The following STAMBPL1 variants were observed in gnomAD, a reference collection of about 807,000 sequenced individuals.
STAMBPL1 encodes the protein AMSH-like protease.
STAMBPL1 carries 44 observed loss-of-function variants against 52.9 expected under a neutral mutation model. The observed-to-expected ratio is 0.83, with a 90% confidence interval of 0.65 to 1.07. The LOEUF is 1.07. Ranked by LOEUF, STAMBPL1 falls within the 50% of genes least tolerant of loss-of-function variation. The pLI is 0.00. For synonymous variants in STAMBPL1, 164 were observed against 177.3 expected, an observed-to-expected ratio of 0.92 and a Z score of 0.60; for missense variants, 511 against 520.8, an observed-to-expected ratio of 0.98 and a Z score of 0.18.
At position 88,914,591 on chromosome 10, in the gene STAMBPL1, T is replaced by G. The variant is rs1845320516; in HGVS notation, c.836T>G (p.Phe279Cys). The change falls in exon 7 of 11, where the codon TTT becomes TGT. Residue 279 changes from phenylalanine (F) to cysteine (C), a missense_variant. Transcript: ENST00000371926. Reference protein sequence around the residue: ...VVLPEDLCHKFLQLAESNTVR... With the variant: ...VVLPEDLCHKCLQLAESNTVR... Reference sequence around the variant, plus strand: ...TTGCCAGAAGATCTTTGCCACAAATTTCTGCAACTGGCAGAATCTAATACA... The same window carrying G: ...TTGCCAGAAGATCTTTGCCACAAATGTCTGCAACTGGCAGAATCTAATACA... 6.5e-7 allele frequency: 1 copy of G among 1,540,144 alleles called. No individual in the cohort carries two copies. Among genetic ancestry groups the G allele is most frequent in the Non-Finnish European group, 8.8e-7 (1 of 1,141,014 alleles).
At chr10:88,914,680 A>T (rs772975881) in intron 7 of STAMBPL1, 22 bp downstream of exon 7, 3 of 948,526 alleles carry the variant, frequency 3.2e-6, no homozygotes, top group African/African-American at 1.7e-5. Context: ...TTATATAAAT[A>T]TATATATATA....
At chr10:88,910,308 A>G (rs899838047) in intron 4 of STAMBPL1, among the ~76,000 whole-genome samples, 2 of 152,120 alleles carry the variant, frequency 1.3e-5, no homozygotes, top group African/African-American at 4.8e-5. Flanking sequence ...CAACTCTAAA[A>G]AAGAAGAGGT....
At chr10:88,914,272 T>C (rs76962149) in intron 6 of STAMBPL1, among the ~76,000 whole-genome samples, 1,750 of 152,286 alleles carry the variant, frequency 0.011, 20 homozygotes, top group South Asian at 0.042. Flanking sequence ...ACATAACATG[T>C]AAATAGTTAA....
intron 8 of STAMBPL1, among the ~76,000 whole-genome samples, chr10:88,920,302 C>T (rs1291375336): frequency 7.2e-5 from 11 of 152,154 alleles, no homozygotes; most frequent in Middle Eastern, 3.2e-3. Context: ...TATTTCTATG[C>T]GCTAAGCACT....
At chr10:88,887,924 A>T (rs910919802) in intron 1 of STAMBPL1, among the ~76,000 whole-genome samples, 3 of 152,194 alleles carry the variant, frequency 2.0e-5, no homozygotes, top group African/African-American at 7.2e-5. Flanking sequence ...TCTTATATTC[A>T]AATTCTTTCT....
intron 4 of STAMBPL1, 50 bp downstream of exon 4, chr10:88,908,827 C>G: frequency 7.0e-7 from 1 of 1,427,536 alleles, no homozygotes; most frequent in South Asian, 1.3e-5. Context: ...CCATAAGTAT[C>G]CATTATTGAT....
At chr10:88,915,734 T>G (rs1316675278) in intron 7 of STAMBPL1, among the ~76,000 whole-genome samples, 3 of 152,190 alleles carry the variant, frequency 2.0e-5, no homozygotes, top group Non-Finnish European at 2.9e-5. Context: ...TGGGGCTAAG[T>G]GCTGTCTGTG....
At position 88,905,521 on chromosome 10, in the gene STAMBPL1, G is replaced by T. The variant is rs776082300; in HGVS notation, c.109G>T (p.Gly37Cys). The change falls in exon 3 of 11, where the codon GGT becomes TGT. Residue 37 changes from glycine (G) to cysteine (C), a missense_variant. Physicochemically the swap from Gly to Cys is radical, Grantham distance 159. Coordinates refer to ENST00000371926, the MANE Select transcript of STAMBPL1 (RefSeq NM_020799.4). ...GCGAGTCCGTGCCCTAAGCAAGCTT[G>T]GTTGTAATATCACCATCAGTGAAGA... is the stretch of plus-strand genomic sequence containing the variant. Reference protein sequence around the residue: ...EERVRALSKLGCNITISEDIT... With the variant: ...EERVRALSKLCCNITISEDIT... The T allele has an allele frequency of 1.2e-6, 2 of 1,614,088 alleles. No homozygotes were observed. The highest frequency in any genetic ancestry group is 8.5e-7 in the Non-Finnish European group (1 of 1,180,004).
At chr10:88,907,178 G>A (rs1417556588) in intron 3 of STAMBPL1, among the ~76,000 whole-genome samples, 2 of 152,162 alleles carry the variant, frequency 1.3e-5, no homozygotes, top group Non-Finnish European at 2.9e-5. Flanking sequence ...AGCTTAGTCA[G>A]GGGCTTAGCC....
At chr10:88,887,894 C>T (rs1251702546) in intron 1 of STAMBPL1, among the ~76,000 whole-genome samples, 2 of 152,136 alleles carry the variant, frequency 1.3e-5, no homozygotes, top group African/African-American at 2.4e-5. Context: ...GAGAAGAATC[C>T]GCTTAAGAGC....
intron 2 of STAMBPL1, 33 bp from the exon 3 acceptor site, chr10:88,905,410 C>T: frequency 6.6e-7 from 1 of 1,524,614 alleles, no homozygotes; most frequent in Non-Finnish European, 9.1e-7. Context: ...CTATAATCAA[C>T]AGTTAATCAG....
intron 9 of STAMBPL1, 21 bp downstream of exon 9, chr10:88,921,416 G>A (rs776631346): frequency 6.3e-7 from 1 of 1,592,286 alleles, no homozygotes; most frequent in Non-Finnish European, 8.6e-7. Flanking sequence ...CTCTTCAGGG[G>A]AGACCAAAGA....
intron 1 of STAMBPL1, among the ~76,000 whole-genome samples, chr10:88,893,442 G>A (rs1168170719): frequency 6.6e-6 from 1 of 152,026 alleles, no homozygotes; most frequent in East Asian, 1.9e-4. Context: ...TCATTCTGCC[G>A]ATGAAAAAAG....
chr10:88,912,866 T>C (rs2133196590), intron 5 of STAMBPL1: 1 of 467,548 alleles, frequency 2.1e-6, no homozygotes, highest in South Asian at 3.2e-5. Context: ...GGGATCCTGA[T>C]TGTCATGGCC....
At position 88,908,683 on chromosome 10, in the gene STAMBPL1, C is replaced by A. The variant is rs1564629431; in HGVS notation, c.249-19C>A. 1 of 1,598,884 alleles carries A rather than the reference C, an allele frequency of 6.3e-7. No individual in the cohort carries two copies. The highest frequency in any genetic ancestry group is 2.2e-5 in the East Asian group (1 of 44,540). On this transcript the variant is annotated intron_variant, in intron 3 of 10. Coordinates refer to ENST00000371926, the MANE Select transcript of STAMBPL1 (RefSeq NM_020799.4). ...TTTTGCTGTCACATAATGCTAAGGA[C>A]ATGTTTTCTCTTCCTTAGCTTATTT... is the stretch of plus-strand genomic sequence containing the variant.
At position 88,923,369 on chromosome 10, in the gene STAMBPL1, C is replaced by T; in HGVS notation, c.*145C>T. The T allele has an allele frequency of 2.2e-6, 3 of 1,379,412 alleles. No individual in the cohort carries two copies. Among genetic ancestry groups the T allele is most frequent in the Non-Finnish European group, 2.8e-6 (3 of 1,072,330 alleles). The allele number at this position is 1,379,412 out of a possible 1,614,324, so 85.4% of individuals were successfully genotyped here. A position where few individuals can be genotyped will look rare whatever the true frequency, so the allele number is the denominator to read the frequency against. On this transcript the variant is annotated 3_prime_UTR_variant, in exon 11 of 11. Transcript: ENST00000371926. Reference sequence around the variant, plus strand: ...CAAAGCTTGATATTTATTGCTGTTGCACATTTTAAAGTTTTCTTTTTGGGT... The same window carrying T: ...CAAAGCTTGATATTTATTGCTGTTGTACATTTTAAAGTTTTCTTTTTGGGT...
chr10:88,913,218 T>C lies in STAMBPL1; in HGVS notation c.538T>C (p.Phe180Leu), dbSNP rs367672326. ...QQLESEQFLF[F>L]EDQLKKQELA... ...GCTAGAATCGGAGCAGTTTCTGTTT[T>C]TCGAAGATCAACTCAAGAAGCAAGA... Residue 180 changes from phenylalanine (F) to leucine (L), a missense_variant, in exon 6 of 11, where the codon TTC becomes CTC. Physicochemically the swap from Phe to Leu is conservative, Grantham distance 22. This residue lies in a region of STAMBPL1 where 358 missense variants were observed against 343.5 expected (regional missense o/e 1.04). Coordinates refer to ENST00000371926, the MANE Select transcript of STAMBPL1 (RefSeq NM_020799.4). The C allele has an allele frequency of 1.9e-6, 3 of 1,613,744 alleles. No individual in the cohort carries two copies. The highest frequency in any genetic ancestry group is 2.5e-6 in the Non-Finnish European group (3 of 1,179,856).
At chr10:88,896,056 C>T (rs1188734100) in intron 1 of STAMBPL1, among the ~76,000 whole-genome samples, 3 of 152,040 alleles carry the variant, frequency 2.0e-5, no homozygotes, top group African/African-American at 7.2e-5. Context: ...CAGACAAGCA[C>T]CTGGCACCTA....
intron 1 of STAMBPL1, among the ~76,000 whole-genome samples, chr10:88,885,344 A>G (rs1207511581): frequency 6.6e-6 from 1 of 152,166 alleles, no homozygotes; most frequent in East Asian, 1.9e-4. Flanking sequence ...CCAGATTATA[A>G]CTGTTTCTCC....
Sources: allele counts gnomAD v4.1 joint callset (sites outside exome capture counted in the v4.1 genomes callset), GRCh38; gene constraint gnomAD v4.1.1; regional missense constraint gnomAD v4.1.1; transcripts MANE v1.5; gene names NCBI Gene and HGNC (gene_info 2026-07-23, HGNC 2026-07-21).